GLG1: variants seen among roughly 807,000 people sequenced by gnomAD.
GLG1 encodes Golgi apparatus protein 1.
A neutral mutation model predicts 160.5 loss-of-function variants in GLG1; 38 were observed. The ratio of observed to expected loss-of-function variants is 0.24; its 90% CI spans 0.18 to 0.31. The LOEUF (loss-of-function observed/expected upper bound fraction) is 0.31. Among genes scored for constraint, GLG1 ranks in the 10% least tolerant of loss-of-function variants. GLG1 has a pLI of 1.00. For synonymous variants in GLG1, 644 were observed against 543.4 expected (o/e 1.19, Z -2.57); for missense variants, 1,373 against 1,505.2 (o/e 0.91, Z 1.45).
chr16:74,518,075 T>A (rs1446670966), intron 2 of GLG1, among the ~76,000 whole-genome samples: 2 of 152,040 alleles, frequency 1.3e-5, no homozygotes, highest in African/African-American at 4.8e-5. Context: ...GCAAAAACAT[T>A]CCATGCTCGT....
At chr16:74,488,028 C>A (rs937330973) in intron 8 of GLG1, among the ~76,000 whole-genome samples, 1 of 152,132 alleles carries the variant, frequency 6.6e-6, no homozygotes, top group Non-Finnish European at 1.5e-5. Context: ...CCTGGGCCCA[C>A]ACTTACTCAG....
chr16:74,565,991 C>G (rs1482193250), intron 1 of GLG1, among the ~76,000 whole-genome samples: 1 of 152,202 alleles, frequency 6.6e-6, no homozygotes, highest in Non-Finnish European at 1.5e-5. Context: ...GAAACCTCGT[C>G]AGGTATTTTG....
At chr16:74,459,841 C>T (rs747005671) in intron 22 of GLG1, 52 bp from the exon 23 acceptor site, 1 of 879,776 alleles carries the variant, frequency 1.1e-6, no homozygotes, top group Non-Finnish European at 1.8e-6. Context: ...CAGAAATGAA[C>T]TGACAGTTTC....
chr16:74,558,752 T>C (rs2018421368), intron 1 of GLG1, among the ~76,000 whole-genome samples: 1 of 152,260 alleles, frequency 6.6e-6, no homozygotes, highest in Non-Finnish European at 1.5e-5. Context: ...CATGGTGGAT[T>C]AGAATAGTCA....
intron 1 of GLG1, among the ~76,000 whole-genome samples, chr16:74,595,892 G>C (rs998476064): frequency 2.6e-5 from 4 of 152,188 alleles, no homozygotes; most frequent in African/African-American, 9.6e-5. Context: ...GGGAGGCCAA[G>C]GCGGGTGGAT....
At chr16:74,573,172 A>C (rs187825426) in intron 1 of GLG1, among the ~76,000 whole-genome samples, 3 of 152,290 alleles carry the variant, frequency 2.0e-5, no homozygotes, top group Admixed American at 6.5e-5. Context: ...AATATCTTTT[A>C]AGAATAGGGT....
At chr16:74,472,324 C>T (rs372116158) in intron 14 of GLG1, 25 bp downstream of exon 14, 2 of 1,562,788 alleles carry the variant, frequency 1.3e-6, no homozygotes, top group South Asian at 1.1e-5. Flanking sequence ...TGTTTTTAAC[C>T]CTTGCTCCTC....
chr16:74,582,313 T>C (rs1292188254), intron 1 of GLG1, among the ~76,000 whole-genome samples: 5 of 151,932 alleles, frequency 3.3e-5, no homozygotes, highest in Non-Finnish European at 7.4e-5. Context: ...ATTTTAGGCA[T>C]GCGCCACCAT....
At chr16:74,487,583 C>T (rs568403095) in intron 8 of GLG1, among the ~76,000 whole-genome samples, 39 of 152,256 alleles carry the variant, frequency 2.6e-4, no homozygotes, top group Admixed American at 2.3e-3. Flanking sequence ...CTGTGGTTAG[C>T]TGGTAGGAAA....
chr16:74,567,013 A>T (rs1567528086), intron 1 of GLG1, among the ~76,000 whole-genome samples: 1 of 152,258 alleles, frequency 6.6e-6, no homozygotes, highest in Non-Finnish European at 1.5e-5. Flanking sequence ...GCAAAACTAT[A>T]GGAAGCTAAG....
intron 2 of GLG1, among the ~76,000 whole-genome samples, chr16:74,514,347 C>T (rs1368623255): frequency 6.6e-6 from 1 of 152,112 alleles, no homozygotes; most frequent in African/African-American, 2.4e-5. Context: ...GTCAGATTCA[C>T]CAAGGTTGAA....
intron 1 of GLG1, among the ~76,000 whole-genome samples, chr16:74,543,432 A>G (rs1190806767): frequency 6.6e-6 from 1 of 152,230 alleles, no homozygotes; most frequent in Non-Finnish European, 1.5e-5. Context: ...GAGCCTGTGA[A>G]TAGCTACTGC....
At chr16:74,482,898 T>C (rs75124206) in intron 10 of GLG1, 125 bp downstream of exon 10, 39,304 of 671,974 alleles carry the variant, frequency 0.058, 1,387 homozygotes, top group Non-Finnish European at 0.068. Context: ...GATTGGAGTG[T>C]GTTAGCTGTC....
In GLG1 at chr16:74,465,655, C is replaced by A. The variant is rs1274957299; in HGVS notation, c.2667+21G>T. 6 of 1,611,184 alleles carry A rather than the reference C, an allele frequency of 3.7e-6. No individual in the cohort carries two copies. The East Asian group carries it at 1.3e-4, about 36-fold the overall frequency. On this transcript the variant is annotated intron_variant, in intron 19 of 25. Transcript: ENST00000422840. ...TGTTTTGTTGTTCATCCGTGCTCGG[C>A]CTTTGGTGTCGGCTTCTCACCTTTA...
chr16:74,540,116 A>T (rs8051201), intron 1 of GLG1, among the ~76,000 whole-genome samples: 483 of 736 alleles, frequency 0.66, 234 homozygotes, highest in East Asian at 1. Flanking sequence ...ATATATATAT[A>T]TTATATATAT....
At chr16:74,495,333 C>T (rs1296119350) in intron 5 of GLG1, among the ~76,000 whole-genome samples, 2 of 152,034 alleles carry the variant, frequency 1.3e-5, no homozygotes, top group Admixed American at 6.6e-5. Flanking sequence ...AGGCTGGTCT[C>T]GAACTCCTGA....
Position 74,582,905 on chromosome 16 carries a change from T to G in GLG1, c.438+23752A>C, listed in dbSNP as rs758881517. 5.5e-4 allele frequency among the ~76,000 whole-genome samples: 83 copies of G among 152,216 alleles called. 2 individuals are homozygous for G. Among genetic ancestry groups the G allele is most frequent in the Non-Finnish European group, 2.4e-4 (16 of 68,018 alleles). On this transcript the variant is annotated intron_variant, in intron 1 of 25. Coordinates refer to ENST00000422840, the MANE Select transcript of GLG1 (RefSeq NM_001145667.2). ...TGGGTTCTATAGAAGGTATTCTATC[T>G]CTTTTACCAGAAACCATGCTCTTTT...
chr16:74,478,968 G>C lies in GLG1; in HGVS notation c.1827+1273C>G, dbSNP rs185161047. Among the ~76,000 whole-genome samples, 38 of 145,502 alleles carry C rather than the reference G, an allele frequency of 2.6e-4. No homozygotes were observed. The East Asian group carries it at 3.9e-3, about 15-fold the overall frequency. ...CACCTCTAATCCCAGCACTTTGGGA[G>C]GCCCAGGTGAGTGGATCACCTGAGG... On this transcript the variant is annotated intron_variant, in intron 11 of 25. Coordinates refer to ENST00000422840, the MANE Select transcript of GLG1 (RefSeq NM_001145667.2).
chr16:74,531,007 C>CT (rs1567506671), intron 2 of GLG1, among the ~76,000 whole-genome samples: 1 of 152,078 alleles, frequency 6.6e-6, no homozygotes, highest in Non-Finnish European at 1.5e-5. Flanking sequence ...ATTGTGAATA[C>CT]TTTTTTACAA....
Sources: allele counts gnomAD v4.1 joint callset (sites outside exome capture counted in the v4.1 genomes callset), GRCh38; gene constraint gnomAD v4.1.1; transcripts MANE v1.5; gene names NCBI Gene and HGNC (gene_info 2026-07-23, HGNC 2026-07-21).